SLC25A16: variants seen among roughly 807,000 people sequenced by gnomAD.
The protein encoded by SLC25A16 is mitochondrial coenzyme A transporter SLC25A16.
Under a neutral mutation model 41.5 loss-of-function variants are expected in SLC25A16, and 39 were observed. That is an observed-to-expected ratio of 0.94 (90% CI 0.73 to 1.23). The LOEUF (loss-of-function observed/expected upper bound fraction) is 1.23, where lower values mean the gene tolerates loss of function less well. Among genes scored for constraint, SLC25A16 ranks in the 50% most tolerant of loss-of-function variants. The probability of loss-of-function intolerance (pLI) is 0.00; values close to 1 mark genes in which losing one functional copy is unlikely to be tolerated. For synonymous variants in SLC25A16, 146 were observed against 147.8 expected (o/e 0.99, Z 0.09); for missense variants, 421 against 426.9 (o/e 0.99, Z 0.12).
chr10:68,510,770 G>A (rs773936815), intron 2 of SLC25A16, among the ~76,000 whole-genome samples: 24 of 151,922 alleles, frequency 1.6e-4, no homozygotes, highest in Non-Finnish European at 2.8e-4. Context: ...TCCGGGAGGC[G>A]GAGGTTGCAG....
chr10:68,523,477 A>AT (rs1043308344), intron 1 of SLC25A16, among the ~76,000 whole-genome samples: 11 of 149,038 alleles, frequency 7.4e-5, no homozygotes, highest in South Asian at 6.4e-4. Flanking sequence ...AATAAATGTC[A>AT]TTTTTTTTTA....
At chr10:68,527,036 C>T (rs1273936315) in intron 1 of SLC25A16, among the ~76,000 whole-genome samples, 1 of 152,168 alleles carries the variant, frequency 6.6e-6, no homozygotes, top group African/African-American at 2.4e-5. Context: ...CAGCCTCTGC[C>T]GGAGTGCCAA....
intron 2 of SLC25A16, among the ~76,000 whole-genome samples, chr10:68,516,331 T>C (rs2053160804): frequency 1.3e-5 from 2 of 151,946 alleles, no homozygotes; most frequent in South Asian, 4.1e-4. Flanking sequence ...AACTTAGAAC[T>C]TTTTAAAAGA....
chr10:68,486,286 G>A (rs2052562332), intron 8 of SLC25A16, among the ~76,000 whole-genome samples: 1 of 149,540 alleles, frequency 6.7e-6, no homozygotes. Flanking sequence ...ATAGAGACAA[G>A]GTCTCACTGT....
intron 2 of SLC25A16, among the ~76,000 whole-genome samples, chr10:68,507,763 A>G (rs1225919311): frequency 6.6e-6 from 1 of 152,222 alleles, no homozygotes; most frequent in East Asian, 1.9e-4. Context: ...GTTCCCTTTC[A>G]AATTTTTCAA....
intron 2 of SLC25A16, among the ~76,000 whole-genome samples, chr10:68,509,380 T>C (rs1222660041): frequency 2.6e-5 from 4 of 151,870 alleles, no homozygotes; most frequent in East Asian, 1.9e-4. Context: ...TTTTTAAATA[T>C]ACTCCTTCCT....
intron 3 of SLC25A16, among the ~76,000 whole-genome samples, chr10:68,505,610 T>G (rs1417609546): frequency 6.6e-6 from 1 of 151,922 alleles, no homozygotes; most frequent in South Asian, 2.1e-4. Context: ...CCGCCTCTAC[T>G]AAAAATACAA....
At chr10:68,506,968 C>A (rs891178165) in intron 2 of SLC25A16, among the ~76,000 whole-genome samples, 2 of 150,804 alleles carry the variant, frequency 1.3e-5, no homozygotes, top group African/African-American at 4.9e-5. Context: ...ACAGCAAATT[C>A]TATTTATAAT....
At chr10:68,518,438 CAAAT>C (rs1009512750) in intron 1 of SLC25A16, among the ~76,000 whole-genome samples, 11 of 151,570 alleles carry the variant, frequency 7.3e-5, no homozygotes, top group African/African-American at 2.7e-4. Flanking sequence ...AAAGAAAACA[CAAAT>C]AAAATTTTAA....
At chr10:68,526,136 T>G (rs57049298) in intron 1 of SLC25A16, among the ~76,000 whole-genome samples, 1 of 151,706 alleles carries the variant, frequency 6.6e-6, no homozygotes, top group African/African-American at 2.4e-5. Flanking sequence ...GCATGCCTCT[T>G]GCAGTTGAGA....
Position 68,483,595 on chromosome 10 carries a change from G to A in SLC25A16, c.843-7C>T, listed in dbSNP as rs1426965421. The A allele has an allele frequency of 1.3e-6, 2 of 1,580,650 alleles. No homozygotes were observed. The highest frequency in any genetic ancestry group is 4.5e-5 in the East Asian group (2 of 44,382). Reference sequence around the variant, plus strand: ...CATAGTATCCCGCATGGTACTGAAAGACAATGATTAAATGATGACCTCTAT... The same window carrying A: ...CATAGTATCCCGCATGGTACTGAAAAACAATGATTAAATGATGACCTCTAT... On this transcript the variant is annotated splice_region_variant and splice_polypyrimidine_tract_variant and intron_variant, in intron 8 of 8. Transcript: ENST00000609923.
At chr10:68,499,696 G>T in intron 4 of SLC25A16, 1 of 360,046 alleles carries the variant, frequency 2.8e-6, no homozygotes, top group South Asian at 3.0e-5. Context: ...TTTTGATGAA[G>T]GTCAGGTTGT....
At chr10:68,494,298 C>A (rs571653698) in intron 4 of SLC25A16, among the ~76,000 whole-genome samples, 1 of 151,062 alleles carries the variant, frequency 6.6e-6, no homozygotes, top group South Asian at 2.1e-4. Flanking sequence ...CCCATCTCTA[C>A]TAAAAATACA....
rs548013445 is a variant in SLC25A16, at chr10:68,520,747, G to C, written c.131-3904C>G. Among the ~76,000 whole-genome samples the C allele has an allele frequency of 1.4e-4, 21 of 150,774 alleles. No individual in the cohort carries two copies. The South Asian group carries it at 4.5e-3, about 32-fold the overall frequency. On this transcript the variant is annotated intron_variant, in intron 1 of 8. Coordinates refer to ENST00000609923, the MANE Select transcript of SLC25A16 (RefSeq NM_152707.4). ...GAATTGCTTGAATCCAGGAGGCAGA[G>C]GTTGCAGTGATTCACAATTGCACCA...
intron 4 of SLC25A16, among the ~76,000 whole-genome samples, chr10:68,498,472 T>C (rs564030567): frequency 1.4e-4 from 21 of 152,148 alleles, no homozygotes; most frequent in Non-Finnish European, 2.6e-4. Context: ...GGAGGATTGC[T>C]TCAGGCCAGG....
intron 2 of SLC25A16, among the ~76,000 whole-genome samples, chr10:68,515,575 G>A (rs1217974914): frequency 1.3e-5 from 2 of 151,932 alleles, no homozygotes; most frequent in African/African-American, 2.4e-5. Context: ...GAGGCGGGCG[G>A]GTCACCTGAG....
chr10:68,489,917 A>G (rs2052628785), intron 6 of SLC25A16, among the ~76,000 whole-genome samples: 2 of 149,974 alleles, frequency 1.3e-5, no homozygotes, highest in Admixed American at 6.7e-5. Context: ...AAAAAAAAAA[A>G]GGAAGAAAGA....
At chr10:68,510,764 G>C (rs1038113953) in intron 2 of SLC25A16, among the ~76,000 whole-genome samples, 2 of 152,060 alleles carry the variant, frequency 1.3e-5, no homozygotes, top group Non-Finnish European at 2.9e-5. Context: ...CTTGAATCCG[G>C]GAGGCGGAGG....
chr10:68,496,845 CTG>C, intron 4 of SLC25A16: 1 of 250,658 alleles, frequency 4.0e-6, no homozygotes, highest in Non-Finnish European at 6.3e-6. Flanking sequence ...GGGTCTCGCT[CTG>C]TCACCCAGGC....
Sources: allele counts gnomAD v4.1 joint callset (sites outside exome capture counted in the v4.1 genomes callset), GRCh38; gene constraint gnomAD v4.1.1; transcripts MANE v1.5; gene names NCBI Gene and HGNC (gene_info 2026-07-23, HGNC 2026-07-21).